Variants in HSF2BP observed in about 807,000 individuals in gnomAD.
The protein encoded by HSF2BP is heat shock factor 2-binding protein.
In HSF2BP, 35 loss-of-function variants were observed where a neutral mutation model predicts 35.0. The observed-to-expected ratio is 1.00, with a 90% CI of 0.76 to 1.32. HSF2BP has a LOEUF of 1.32. Ranked by LOEUF, HSF2BP falls within the 40% of genes most tolerant of loss-of-function variation. The pLI is 0.00. For missense variants in HSF2BP, 326 were observed against 321.7 expected (o/e 1.01, Z -0.10); for synonymous variants, 114 against 117.4 (o/e 0.97, Z 0.18).
intron 7 of HSF2BP, among the ~76,000 whole-genome samples, chr21:43,592,858 C>A (rs1387450715): frequency 2.0e-5 from 3 of 152,148 alleles, no homozygotes; most frequent in African/African-American, 7.2e-5. Flanking sequence ...CTGAATAGGA[C>A]AGGACTTTAT....
intron 8 of HSF2BP, among the ~76,000 whole-genome samples, chr21:43,591,045 C>T (rs1264213307): frequency 6.6e-6 from 1 of 151,932 alleles, no homozygotes; most frequent in Non-Finnish European, 1.5e-5. Flanking sequence ...AAAGCATTCA[C>T]CACCAAATGG....
chr21:43,582,178 G>A (rs113196833), intron 8 of HSF2BP, among the ~76,000 whole-genome samples: 2 of 135,576 alleles, frequency 1.5e-5, no homozygotes, highest in Admixed American at 7.3e-5. Context: ...TGGGGGATGA[G>A]GGCCTGCTGT....
chr21:43,600,673 T>C (rs1046614720), intron 7 of HSF2BP, among the ~76,000 whole-genome samples: 16 of 152,200 alleles, frequency 1.1e-4, no homozygotes, highest in African/African-American at 3.9e-4. Context: ...CTCAAATATC[T>C]GTATGTCAAT....
chr21:43,653,894 G>C (rs4818857), intron 3 of HSF2BP, among the ~76,000 whole-genome samples: 34,200 of 152,018 alleles, frequency 0.22, 4,316 homozygotes, highest in East Asian at 0.47. Context: ...GTGAGGAAGA[G>C]AGACAGGTAA....
At chr21:43,592,877 T>A (rs1003958865) in intron 7 of HSF2BP, among the ~76,000 whole-genome samples, 2 of 152,186 alleles carry the variant, frequency 1.3e-5, no homozygotes, top group Non-Finnish European at 2.9e-5. Flanking sequence ...ATAAGCTGTT[T>A]TGGGATTGAA....
At chr21:43,625,739 T>G (rs2082382192) in intron 6 of HSF2BP, among the ~76,000 whole-genome samples, 1 of 152,164 alleles carries the variant, frequency 6.6e-6, no homozygotes, top group South Asian at 2.1e-4. Context: ...TAATAAAATA[T>G]TCTTCCCAGT....
intron 8 of HSF2BP, among the ~76,000 whole-genome samples, chr21:43,576,120 A>C (rs1255340430): frequency 1.5e-3 from 1 of 682 alleles, no homozygotes; most frequent in Admixed American, 0.019. Context: ...TTTGTCTCCA[A>C]AAAAAAAAAA....
chr21:43,578,451 A>G lies in HSF2BP; in HGVS notation c.796+13774T>C, dbSNP rs368584963. 1.3e-4 allele frequency among the ~76,000 whole-genome samples: 20 copies of G among 152,234 alleles called. No homozygotes were observed. The East Asian group carries it at 3.7e-3, about 28-fold the overall frequency. On this transcript the variant is annotated intron_variant, in intron 8 of 8. Coordinates refer to ENST00000291560, the MANE Select transcript of HSF2BP (RefSeq NM_007031.2). ...CACGAAAGGGAGGATGGAGCCCGGA[A>G]TAAAGTTGGGGTTCTGTTAGAAATG...
At chr21:43,632,385 C>CA (rs1277460310) in intron 5 of HSF2BP, among the ~76,000 whole-genome samples, 3 of 90,966 alleles carry the variant, frequency 3.3e-5, no homozygotes, top group Admixed American at 1.1e-4. Context: ...CGCTCCCCCC[C>CA]CACACACACA....
chr21:43,595,971 C>T (rs1187835834), intron 7 of HSF2BP, among the ~76,000 whole-genome samples: 1 of 151,880 alleles, frequency 6.6e-6, no homozygotes, highest in Non-Finnish European at 1.5e-5. Flanking sequence ...CCGCCCACCT[C>T]AGCCTCCCAA....
At chr21:43,637,940 C>G (rs1417796031) in intron 4 of HSF2BP, among the ~76,000 whole-genome samples, 1 of 152,184 alleles carries the variant, frequency 6.6e-6, no homozygotes, top group Non-Finnish European at 1.5e-5. Context: ...ATACTTTCCC[C>G]TGAGATCAGG....
At chr21:43,631,903 A>C (rs1292254535) in intron 5 of HSF2BP, among the ~76,000 whole-genome samples, 2 of 143,750 alleles carry the variant, frequency 1.4e-5, no homozygotes, top group African/African-American at 2.6e-5. Flanking sequence ...ACATGCTCCC[A>C]CACACCCACA....
intron 8 of HSF2BP, among the ~76,000 whole-genome samples, chr21:43,582,869 AGCTGAGGGAGATGAAGGGCCT>A (rs2081777264): frequency 2.4e-4 from 2 of 8,418 alleles, no homozygotes. Flanking sequence ...GATGAGGGCC[AGCTGAGGGAGATGAAGGGCCT>A]GCTGAGGGAG....
chr21:43,590,628 T>C (rs2081913742), intron 8 of HSF2BP, among the ~76,000 whole-genome samples: 1 of 152,172 alleles, frequency 6.6e-6, no homozygotes, highest in Non-Finnish European at 1.5e-5. Context: ...ATCCACAACA[T>C]GGAATATTTA....
At chr21:43,574,073 A>G (rs1247113994) in intron 8 of HSF2BP, among the ~76,000 whole-genome samples, 1 of 152,068 alleles carries the variant, frequency 6.6e-6, no homozygotes, top group East Asian at 1.9e-4. Context: ...GACCAAGACC[A>G]CTGTGGCGCT....
rs2082368678 is a variant in HSF2BP at position 43,624,656 on chromosome 21, T to C, written c.574+5666A>G. Among the ~76,000 whole-genome samples the C allele has an allele frequency of 2.0e-5, 3 of 152,162 alleles. No individual in the cohort carries two copies. In the South Asian group the frequency reaches 6.2e-4, roughly 32 times the overall value. On this transcript the variant is annotated intron_variant, in intron 6 of 8. Coordinates refer to ENST00000291560, the MANE Select transcript of HSF2BP (RefSeq NM_007031.2). ...TGGATCCAGTCCTGCCCCCAAATTA[T>C]CAATCATCAAAAAGTAATTTTGATG...
In HSF2BP at chr21:43,657,654, C is replaced by T. The variant is rs148744656; in HGVS notation, c.36+407G>A. On this transcript the variant is annotated intron_variant, in intron 2 of 8. Transcript: ENST00000291560. ...GTCCAAGCGCCTTCTCCATCGCATG[C>T]AATCAGTTACAGTTATAAAATCGAT... Among the ~76,000 whole-genome samples, 336 of 152,356 alleles carry T rather than the reference C, an allele frequency of 2.2e-3. 10 individuals are homozygous for T. In the East Asian group the frequency reaches 0.059, roughly 27 times the overall value.
At chr21:43,629,162 A>G (rs1287218545) in intron 6 of HSF2BP, among the ~76,000 whole-genome samples, 2 of 152,204 alleles carry the variant, frequency 1.3e-5, no homozygotes, top group African/African-American at 2.4e-5. Context: ...TTTAAGAACT[A>G]CATTTCATAA....
chr21:43,627,684 T>C lies in HSF2BP; in HGVS notation c.574+2638A>G, dbSNP rs903395778. On this transcript the variant is annotated intron_variant, in intron 6 of 8. Coordinates refer to ENST00000291560, the MANE Select transcript of HSF2BP (RefSeq NM_007031.2). Reference sequence around the variant, plus strand: ...CCCTGACTGTAAACACCAGTCTCTGTAACAGTCACTACAGCTGAAAAGAAT... The same window carrying C: ...CCCTGACTGTAAACACCAGTCTCTGCAACAGTCACTACAGCTGAAAAGAAT... 2.0e-5 allele frequency among the ~76,000 whole-genome samples: 3 copies of C among 152,230 alleles called. No individual in the cohort carries two copies. In the South Asian group the frequency reaches 6.2e-4, roughly 32 times the overall value.
Sources: allele counts gnomAD v4.1 joint callset (sites outside exome capture counted in the v4.1 genomes callset), GRCh38; gene constraint gnomAD v4.1.1; transcripts MANE v1.5; gene names NCBI Gene and HGNC (gene_info 2026-07-23, HGNC 2026-07-21).